The following TTC7A variants were observed in gnomAD, a reference collection of about 807,000 sequenced individuals.
The protein encoded by TTC7A is tetratricopeptide repeat domain 7A.
In TTC7A, 110 loss-of-function variants were observed where a neutral mutation model predicts 103.7. The ratio of observed to expected loss-of-function variants is 1.06; its 90% CI spans 0.91 to 1.24. The LOEUF is 1.24. Ranked by LOEUF, TTC7A falls within the 50% of genes most tolerant of loss-of-function variation. The pLI is 0.00. For missense variants in TTC7A, 1,340 were observed against 1,116.3 expected, an observed-to-expected ratio of 1.20 and a Z score of -2.86; for synonymous variants, 521 against 467.9, an observed-to-expected ratio of 1.11 and a Z score of -1.47.
intron 18 of TTC7A, among the ~76,000 whole-genome samples, chr2:47,058,099 G>C (rs750536805): frequency 5.9e-5 from 9 of 152,150 alleles, no homozygotes; most frequent in Non-Finnish European, 1.3e-4. Context: ...GGCTGAGAGA[G>C]CCAAATCTCT....
chr2:47,068,737 A>G (rs1684393121), intron 19 of TTC7A: 1 of 151,878 alleles, frequency 6.6e-6, no homozygotes, highest in Admixed American at 6.6e-5. Context: ...GACTCTGGGA[A>G]AACCTTAAGC....
At position 46,950,426 on chromosome 2, in the gene TTC7A, C is replaced by A. The variant is rs145327046; in HGVS notation, c.248C>A (p.Ala83Asp). Residue 83 changes from alanine (A) to aspartate (D), a missense_variant, in exon 2 of 20, where the codon GCC becomes GAC. Physicochemically the swap from Ala to Asp is moderately radical, Grantham distance 126. Coordinates refer to ENST00000319190, the MANE Select transcript of TTC7A (RefSeq NM_020458.4). ...GAGCAGTGTTTGAAGGAGAACCATG[C>A]CAAAATAAAAGACTCCATGCCTTTG... Reference protein sequence around the residue: ...LLEQCLKENHAKIKDSMPLLE... With the variant: ...LLEQCLKENHDKIKDSMPLLE... 2.2e-5 allele frequency: 36 copies of A among 1,614,102 alleles called. No individual in the cohort carries two copies. The African/African-American group carries it at 4.4e-4, about 20-fold the overall frequency.
chr2:46,948,857 T>A (rs566138152), intron 1 of TTC7A, among the ~76,000 whole-genome samples: 1 of 152,176 alleles, frequency 6.6e-6, no homozygotes, highest in Non-Finnish European at 1.5e-5. Flanking sequence ...CTGAGAACAC[T>A]GTACTGGTAG....
At chr2:46,964,206 GCCTGAACTTGAGGATGAATCA>G (rs927296055) in intron 3 of TTC7A, among the ~76,000 whole-genome samples, 1 of 152,218 alleles carries the variant, frequency 6.6e-6, no homozygotes, top group Non-Finnish European at 1.5e-5. Flanking sequence ...TGGGTGGTGA[GCCTGAACTTGAGGATGAATCA>G]CCTACAGTTG....
Position 47,051,849 on chromosome 2 carries a change from G to C in TTC7A, c.2121G>C (p.Trp707Cys), listed in dbSNP as rs1303581228. 1.2e-6 allele frequency: 2 copies of C among 1,611,942 alleles called. No individual in the cohort carries two copies. Among genetic ancestry groups the C allele is most frequent in the Non-Finnish European group, 1.7e-6 (2 of 1,179,626 alleles). Residue 707 changes from tryptophan to cysteine, a missense_variant, in exon 18 of 20, where the codon TGG (tryptophan) becomes TGC (cysteine). Trp to Cys is a radical substitution (Grantham distance 215). Transcript: ENST00000319190. Reference sequence around the variant, plus strand: ...TGAAGCAGGGCCCCATGCAGCTGTGGACCACGCTGGAACAGATCTGGCTGC... The same window carrying C: ...TGAAGCAGGGCCCCATGCAGCTGTGCACCACGCTGGAACAGATCTGGCTGC... ...SVLKQGPMQL[W>C]TTLEQIWLQA...
intron 1 of TTC7A, among the ~76,000 whole-genome samples, chr2:46,946,123 G>A (rs570342950): frequency 1.3e-5 from 2 of 152,318 alleles, no homozygotes; most frequent in South Asian, 4.1e-4. Flanking sequence ...GGGCACTGAG[G>A]CCTTCCAGAC....
chr2:46,943,771 C>A (rs1572680395), intron 1 of TTC7A, among the ~76,000 whole-genome samples: 2 of 152,296 alleles, frequency 1.3e-5, no homozygotes, highest in Middle Eastern at 3.4e-3. Flanking sequence ...TTGACTCTTA[C>A]AAGTCAGTGA....
At chr2:46,925,460 A>AGGTT (rs1444022953) in intron 2 of TTC7A, among the ~76,000 whole-genome samples, 2 of 152,182 alleles carry the variant, frequency 1.3e-5, no homozygotes, top group Non-Finnish European at 2.9e-5. Context: ...TGGGAGGCTG[A>AGGTT]GGCAGGAGAA....
At chr2:47,047,180 T>A in intron 16 of TTC7A, 1 of 765,450 alleles carries the variant, frequency 1.3e-6, no homozygotes, top group Non-Finnish European at 2.2e-6. Flanking sequence ...TTCCTGATCC[T>A]CTTGTCCTTC....
At chr2:47,025,322 G>A (rs114965122) in intron 14 of TTC7A, among the ~76,000 whole-genome samples, 2,024 of 152,264 alleles carry the variant, frequency 0.013, 54 homozygotes, top group African/African-American at 0.045. Flanking sequence ...CACTGAGGCC[G>A]AGCCAGCATA....
chr2:47,062,002 TC>T (rs1683823016), intron 19 of TTC7A, among the ~76,000 whole-genome samples: 1 of 152,190 alleles, frequency 6.6e-6, no homozygotes, highest in Non-Finnish European at 1.5e-5. Flanking sequence ...CCTGACGTCT[TC>T]TGGCACGTAG....
chr2:47,006,186 C>T (rs1413636651), intron 9 of TTC7A, 127 bp downstream of exon 9: 8 of 1,295,302 alleles, frequency 6.2e-6, no homozygotes, highest in East Asian at 2.4e-5. Flanking sequence ...GCTTTGACCT[C>T]GGCAAGTTGT....
intron 19 of TTC7A, among the ~76,000 whole-genome samples, 170 bp downstream of exon 19, chr2:47,061,141 T>C (rs574693282): frequency 6.6e-6 from 1 of 152,274 alleles, no homozygotes; most frequent in Admixed American, 6.5e-5. Flanking sequence ...GAAGAGACAG[T>C]TCTTGGGATA....
intron 1 of TTC7A, among the ~76,000 whole-genome samples, chr2:46,946,637 G>C (rs928723998): frequency 9.9e-5 from 15 of 152,054 alleles, no homozygotes; most frequent in African/African-American, 3.4e-4. Flanking sequence ...GACCAGGCTG[G>C]TCTCTAACTC....
At chr2:46,934,903 C>T (rs377276547) in intron 2 of TTC7A, among the ~76,000 whole-genome samples, 5 of 141,224 alleles carry the variant, frequency 3.5e-5, no homozygotes, top group Non-Finnish European at 7.5e-5. Context: ...CGGGTTCAAG[C>T]GATTCTCTTG....
At chr2:46,992,450 G>A (rs75446837) in intron 5 of TTC7A, among the ~76,000 whole-genome samples, 5 of 152,336 alleles carry the variant, frequency 3.3e-5, no homozygotes, top group East Asian at 1.9e-4. Flanking sequence ...GAAAGGCCAC[G>A]TAAGGCAGTG....
chr2:47,028,900 A>C (rs1418916420), intron 14 of TTC7A, among the ~76,000 whole-genome samples: 1 of 152,150 alleles, frequency 6.6e-6, no homozygotes, highest in Admixed American at 6.5e-5. Context: ...CTGATACATC[A>C]GCAGAACTCC....
chr2:47,001,773 T>G (rs1012993295), intron 8 of TTC7A, among the ~76,000 whole-genome samples: 1 of 150,256 alleles, frequency 6.7e-6, no homozygotes, highest in Non-Finnish European at 1.5e-5. Flanking sequence ...GCAGGAAAAT[T>G]GCTTGAACCC....
At chr2:47,070,287 T>TGAGTGA (rs1684562421) in intron 19 of TTC7A, among the ~76,000 whole-genome samples, 1 of 152,136 alleles carries the variant, frequency 6.6e-6, no homozygotes, top group Non-Finnish European at 1.5e-5. Context: ...CCACTGAGTG[T>TGAGTGA]GAGCCCAGAC....
Sources: allele counts gnomAD v4.1 joint callset (sites outside exome capture counted in the v4.1 genomes callset), GRCh38; gene constraint gnomAD v4.1.1; transcripts MANE v1.5; gene names NCBI Gene and HGNC (gene_info 2026-07-23, HGNC 2026-07-21).